The following NIT2 variants were observed in gnomAD, a reference collection of about 807,000 sequenced individuals.
NIT2 encodes the protein nitrilase family member 2.
A neutral mutation model predicts 42.7 loss-of-function variants in NIT2; 46 were observed. That is an observed-to-expected ratio of 1.08 (90% confidence interval 0.85 to 1.38). The LOEUF (loss-of-function observed/expected upper bound fraction) is 1.38, where lower values mean the gene tolerates loss of function less well. NIT2 is among the 40% of genes most tolerant of loss of function. The pLI, the probability that NIT2 is intolerant of heterozygous loss-of-function variation, is 0.00. For synonymous variants in NIT2, 123 were observed against 121.9 expected, an observed-to-expected ratio of 1.01 and a Z score of -0.06; for missense variants, 309 against 342.5, an observed-to-expected ratio of 0.90 and a Z score of 0.77.
At chr3:100,334,921 C>T (rs1285507611) in intron 1 of NIT2, 123 bp downstream of exon 1, 6 of 1,014,304 alleles carry the variant, frequency 5.9e-6, no homozygotes, top group Non-Finnish European at 7.7e-6. Context: ...GCGCGGCCTT[C>T]CCTGAGGCGG....
intron 9 of NIT2, 65 bp downstream of exon 9, chr3:100,354,892 G>A (rs371369377): frequency 4.1e-5 from 55 of 1,350,510 alleles, no homozygotes; most frequent in Admixed American, 7.4e-5. Context: ...CAGACTCCAT[G>A]GCTGGGAAGT....
chr3:100,360,571 G>GT lies in NIT2; in HGVS notation c.*5304dup, dbSNP rs1039655593. 2 of 151,940 alleles carry GT rather than the reference G, an allele frequency of 1.3e-5. No individual in the cohort carries two copies. The highest frequency in any genetic ancestry group is 4.8e-5 in the African/African-American group (2 of 41,374). The allele number at this position is 151,940 out of a possible 1,614,324, so 9.4% of individuals were successfully genotyped here. A position where few individuals can be genotyped will look rare whatever the true frequency, so the allele number is the denominator to read the frequency against. On this transcript the variant is annotated 3_prime_UTR_variant, in exon 10 of 10. Coordinates refer to ENST00000394140, the MANE Select transcript of NIT2 (RefSeq NM_020202.5). Reference sequence around the variant, plus strand: ...TACTCCTGGGCAACAGAGTTAAACTGTATCAAAAAAAAAATGCAGTATTGA... The same window carrying GT: ...TACTCCTGGGCAACAGAGTTAAACTGTTATCAAAAAAAAAATGCAGTATTGA...
rs1706321829 is a variant in NIT2 at position 100,355,966 on chromosome 3, TTTC to T, written c.*701_*703del. 6.6e-6 allele frequency: 1 copy of T among 152,176 alleles called. No individual in the cohort carries two copies. The highest frequency in any genetic ancestry group is 6.5e-5 in the Admixed American group (1 of 15,284). The allele number at this position is 152,176 out of a possible 1,614,324, so 9.4% of individuals were successfully genotyped here. On this transcript the variant is annotated 3_prime_UTR_variant, in exon 10 of 10. Transcript: ENST00000394140. ...TTGAGTGTCTGAAAGTCCCATTATTTTTCTTTTTTCTTTTTCCCCAGTAACACT... is the reference window on the plus strand; with the variant it reads ...TTGAGTGTCTGAAAGTCCCATTATTTTTTTTTCTTTTTCCCCAGTAACACT...
intron 8 of NIT2, among the ~76,000 whole-genome samples, chr3:100,354,438 GTGGT>G (rs1417724778): frequency 6.6e-6 from 1 of 152,206 alleles, no homozygotes; most frequent in Non-Finnish European, 1.5e-5. Flanking sequence ...CTTCCTGTTG[GTGGT>G]AGGTAGCTCT....
intron 4 of NIT2, among the ~76,000 whole-genome samples, chr3:100,345,101 C>T (rs565489155): frequency 4.7e-4 from 71 of 151,742 alleles, no homozygotes; most frequent in African/African-American, 1.2e-3. Flanking sequence ...ACTACAGGCA[C>T]GCACAACCAC....
At position 100,356,377 on chromosome 3, in the gene NIT2, A is replaced by G. The variant is rs911800924; in HGVS notation, c.*1109A>G. On this transcript the variant is annotated 3_prime_UTR_variant, in exon 10 of 10. Coordinates refer to ENST00000394140, the MANE Select transcript of NIT2 (RefSeq NM_020202.5). ...ACAGAGTTGGGAATAGATGTGCACA[A>G]TCAGCTCTGGGGAGCTGGTGCAATC... is the stretch of plus-strand genomic sequence containing the variant. 3.3e-5 allele frequency: 5 copies of G among 152,236 alleles called. No individual in the cohort carries two copies. Among genetic ancestry groups the G allele is most frequent in the South Asian group, 2.1e-4 (1 of 4,832 alleles). 9.4% of individuals were successfully genotyped at this position (152,236 alleles called of 1,614,324 possible).
Position 100,359,254 on chromosome 3 carries a change from A to G in NIT2, c.*3986A>G, listed in dbSNP as rs1021857860. 6.6e-6 allele frequency: 1 copy of G among 152,234 alleles called. No homozygotes were observed. The highest frequency in any genetic ancestry group is 2.4e-5 in the African/African-American group (1 of 41,452). 9.4% of individuals were successfully genotyped at this position (152,234 alleles called of 1,614,324 possible). ...GAACAAGAATCTGCAAGAACAGAAC[A>G]TGGTGGGCAGGGTCCAGTAATTCCA... On this transcript the variant is annotated 3_prime_UTR_variant, in exon 10 of 10. Coordinates refer to ENST00000394140, the MANE Select transcript of NIT2 (RefSeq NM_020202.5).
At chr3:100,349,417 T>G (rs1193947727) in intron 7 of NIT2, 3 of 152,666 alleles carry the variant, frequency 2.0e-5, no homozygotes, top group African/African-American at 7.2e-5. Flanking sequence ...CTGCCGGAAC[T>G]GTGGTTTTGG....
rs1706320673 is a variant in NIT2 at position 100,355,813 on chromosome 3, C to T, written c.*545C>T. 1 of 152,426 alleles carries T rather than the reference C, an allele frequency of 6.6e-6. No individual in the cohort carries two copies. The highest frequency in any genetic ancestry group is 6.5e-5 in the Admixed American group (1 of 15,278). 9.4% of individuals were successfully genotyped at this position (152,426 alleles called of 1,614,324 possible). On this transcript the variant is annotated 3_prime_UTR_variant, in exon 10 of 10. Coordinates refer to ENST00000394140, the MANE Select transcript of NIT2 (RefSeq NM_020202.5). ...TCAAATTTAAAAAGGAGCTACTTAT[C>T]AACCCCAGGCCCTTCTGGTCTTAGA...
In NIT2 at chr3:100,360,871, A is replaced by G. The variant is rs1382313243; in HGVS notation, c.*5603A>G. 2 of 152,346 alleles carry G rather than the reference A, an allele frequency of 1.3e-5. No homozygotes were observed. Among genetic ancestry groups the G allele is most frequent in the East Asian group, 3.9e-4 (2 of 5,186 alleles). 9.4% of individuals were successfully genotyped at this position (152,346 alleles called of 1,614,324 possible). On this transcript the variant is annotated 3_prime_UTR_variant, in exon 10 of 10. Coordinates refer to ENST00000394140, the MANE Select transcript of NIT2 (RefSeq NM_020202.5). ...GGATCATAGGACAGGTTTGTTTACT[A>G]TCTGATACAGTCAAAATAGTGTTTC... is the stretch of plus-strand genomic sequence containing the variant.
intron 6 of NIT2, among the ~76,000 whole-genome samples, chr3:100,346,806 C>T (rs955295076): frequency 1.3e-5 from 2 of 152,110 alleles, no homozygotes; most frequent in African/African-American, 4.8e-5. Flanking sequence ...CTATAAAGCC[C>T]CTCGTGTGGT....
chr3:100,356,440 A>C lies in NIT2; in HGVS notation c.*1172A>C, dbSNP rs1438609484. ...ACCACTGGTTTAAGATAGATATATC[A>C]TATAGATATTTACCATTTACCATAT... On this transcript the variant is annotated 3_prime_UTR_variant, in exon 10 of 10. Transcript: ENST00000394140. 1 of 152,280 alleles carries C rather than the reference A, an allele frequency of 6.6e-6. No individual in the cohort carries two copies. Among genetic ancestry groups the C allele is most frequent in the African/African-American group, 2.4e-5 (1 of 41,572 alleles). 9.4% of individuals were successfully genotyped at this position (152,280 alleles called of 1,614,324 possible).
intron 1 of NIT2, among the ~76,000 whole-genome samples, chr3:100,335,779 G>A (rs115437713): frequency 0.028 from 4,297 of 152,304 alleles, 89 homozygotes; most frequent in Middle Eastern, 0.058. Context: ...TGAGGCACGA[G>A]GATCGCTTGA....
At chr3:100,339,010 C>A in intron 1 of NIT2, 77 bp from the exon 2 acceptor site, 2 of 1,017,688 alleles carry the variant, frequency 2.0e-6, no homozygotes, top group Non-Finnish European at 3.1e-6. Context: ...AACTGCCTTC[C>A]ATTTGAGAAC....
At chr3:100,348,957 C>A in intron 7 of NIT2, 76 bp downstream of exon 7, 1 of 1,257,042 alleles carries the variant, frequency 8.0e-7, no homozygotes, top group African/African-American at 1.5e-5. Context: ...GTGGAGGTGC[C>A]AGCCTTCCTG....
chr3:100,339,843 A>G lies in NIT2; in HGVS notation c.155A>G (p.Lys52Arg). The G allele has an allele frequency of 6.2e-7, 1 of 1,611,044 alleles. No homozygotes were observed. The highest frequency in any genetic ancestry group is 2.2e-5 in the East Asian group (1 of 44,866). ...PECFNSPYGA[K>R]YFPEYAEKIP... ...TGCTTTAATTCTCCATATGGAGCGAAATATTTTCCTGAATATGCAGAGAAA... is the reference window on the plus strand; with the variant it reads ...TGCTTTAATTCTCCATATGGAGCGAGATATTTTCCTGAATATGCAGAGAAA... Residue 52 changes from lysine to arginine, a missense_variant, in exon 3 of 10, where the codon AAA becomes AGA. By Grantham distance (26) the Lys-to-Arg change is conservative. Coordinates refer to ENST00000394140, the MANE Select transcript of NIT2 (RefSeq NM_020202.5).
chr3:100,353,656 A>T (rs1361520865), intron 8 of NIT2, among the ~76,000 whole-genome samples: 1 of 152,226 alleles, frequency 6.6e-6, no homozygotes, highest in Non-Finnish European at 1.5e-5. Flanking sequence ...GTCTGTGGCT[A>T]TCTGGTAAAC....
chr3:100,341,474 T>C (rs2148881569), intron 4 of NIT2, among the ~76,000 whole-genome samples: 1 of 152,146 alleles, frequency 6.6e-6, no homozygotes, highest in South Asian at 2.1e-4. Context: ...GTTCACACCA[T>C]TCTCCTGCCT....
chr3:100,336,728 T>C (rs1204196258), intron 1 of NIT2, among the ~76,000 whole-genome samples: 4 of 152,160 alleles, frequency 2.6e-5, no homozygotes, highest in Non-Finnish European at 2.9e-5. Context: ...TTCCCTATCT[T>C]AGTAGATGGG....
Sources: gnomAD v4.1 joint callset for allele counts (sites outside exome capture counted in the v4.1 genomes callset) on GRCh38, gnomAD v4.1.1 for gene constraint, MANE v1.5 for transcripts, NCBI Gene and HGNC (gene_info 2026-07-23, HGNC 2026-07-21) for gene names.